Variants in INSYN2B observed in about 807,000 individuals in gnomAD.
The protein encoded by INSYN2B is inhibitory synaptic factor family member 2B.
In INSYN2B, 16 loss-of-function variants were observed where a neutral mutation model predicts 41.2. That is an observed-to-expected ratio of 0.39 (90% CI 0.26 to 0.59). INSYN2B has a LOEUF of 0.59. Among genes scored for constraint, INSYN2B ranks in the 20% least tolerant of loss-of-function variants. INSYN2B has a pLI of 0.57. For synonymous variants in INSYN2B, 245 were observed against 244.4 expected (o/e 1.00, Z -0.02); for missense variants, 608 against 646.4 (o/e 0.94, Z 0.64).
At chr5:169,969,134 G>A (rs1777407275) in intron 1 of INSYN2B, among the ~76,000 whole-genome samples, 1 of 151,812 alleles carries the variant, frequency 6.6e-6, no homozygotes, top group Non-Finnish European at 1.5e-5. Context: ...GGGTATCAAA[G>A]TGAGACTCTG....
At chr5:169,902,178 G>T (rs1435376009) in intron 1 of INSYN2B, among the ~76,000 whole-genome samples, 1 of 152,214 alleles carries the variant, frequency 6.6e-6, no homozygotes, top group African/African-American at 2.4e-5. Context: ...TCCAGGAGGG[G>T]AATAACCAGT....
At position 169,883,526 on chromosome 5, in the gene INSYN2B, G is replaced by C. The variant is rs982679713; in HGVS notation, c.373C>G (p.Pro125Ala). ...TGGATGGCACTTTGGGAGGCTGTTG[G>C]CATTTCCACCAGGGACTTACTGGCT... ...LTASKSLVEM[P>A]TASQSAIQVN... Residue 125 changes from proline (P) to alanine (A), a missense_variant, in exon 2 of 4, where the codon CCA becomes GCA. Physicochemically the swap from Pro to Ala is conservative, Grantham distance 27. Coordinates refer to ENST00000377365, the MANE Select transcript of INSYN2B (RefSeq NM_001129891.3). 1.9e-6 allele frequency: 3 copies of C among 1,551,512 alleles called. No individual in the cohort carries two copies. The highest frequency in any genetic ancestry group is 2.7e-5 in the African/African-American group (2 of 73,036).
At chr5:169,948,534 A>G (rs1298431528) in intron 1 of INSYN2B, among the ~76,000 whole-genome samples, 1 of 151,772 alleles carries the variant, frequency 6.6e-6, no homozygotes, top group Non-Finnish European at 1.5e-5. Context: ...ACACATATAC[A>G]TTTATAGATT....
At chr5:169,889,024 C>T (rs1183286140) in intron 1 of INSYN2B, among the ~76,000 whole-genome samples, 2 of 152,204 alleles carry the variant, frequency 1.3e-5, no homozygotes, top group Non-Finnish European at 2.9e-5. Flanking sequence ...GCCTCTTCAA[C>T]TAGACTCTAA....
intron 1 of INSYN2B, among the ~76,000 whole-genome samples, chr5:169,930,487 A>G: frequency 6.6e-6 from 1 of 152,180 alleles, no homozygotes; most frequent in East Asian, 1.9e-4. Context: ...TGTGAGCTTC[A>G]TTCATGGTAA....
At chr5:169,975,882 A>T (rs1280820004) in intron 1 of INSYN2B, among the ~76,000 whole-genome samples, 1 of 152,210 alleles carries the variant, frequency 6.6e-6, no homozygotes, top group Admixed American at 6.5e-5. Context: ...TGCCTGGCAC[A>T]TAGTAGGTGC....
At chr5:169,950,814 C>T (rs761573366) in intron 1 of INSYN2B, among the ~76,000 whole-genome samples, 1 of 152,198 alleles carries the variant, frequency 6.6e-6, no homozygotes, top group Non-Finnish European at 1.5e-5. Context: ...GCTTCAGCAG[C>T]CTCCTCTCAC....
At chr5:169,874,340 G>A (rs778633927) in intron 3 of INSYN2B, among the ~76,000 whole-genome samples, 19 of 149,750 alleles carry the variant, frequency 1.3e-4, no homozygotes, top group Non-Finnish European at 2.7e-4. Context: ...TTAAACCTGG[G>A]AGGCAGAGGT....
At chr5:169,896,271 G>A (rs1329463964) in intron 1 of INSYN2B, among the ~76,000 whole-genome samples, 2 of 152,192 alleles carry the variant, frequency 1.3e-5, no homozygotes, top group Non-Finnish European at 2.9e-5. Context: ...TATGGGTTCA[G>A]AGTTTATCTG....
chr5:169,964,319 G>A (rs1339474737), intron 1 of INSYN2B, among the ~76,000 whole-genome samples: 1 of 152,124 alleles, frequency 6.6e-6, no homozygotes. Context: ...AAGTTGCTCC[G>A]CTCCCACCCC....
At chr5:169,888,926 A>G (rs1561798038) in intron 1 of INSYN2B, among the ~76,000 whole-genome samples, 1 of 152,158 alleles carries the variant, frequency 6.6e-6, no homozygotes, top group Non-Finnish European at 1.5e-5. Flanking sequence ...TCCTTTGTGC[A>G]AGAAGTCCTA....
At chr5:169,869,236 A>G (rs760667751) in intron 3 of INSYN2B, among the ~76,000 whole-genome samples, 5 of 152,162 alleles carry the variant, frequency 3.3e-5, no homozygotes, top group Non-Finnish European at 7.3e-5. Context: ...AGGGAAGAAC[A>G]CACTCTTTAT....
intron 3 of INSYN2B, chr5:169,875,441 C>G (rs1772269811): frequency 5.2e-6 from 2 of 381,670 alleles, no homozygotes; most frequent in East Asian, 1.5e-4. Context: ...GACAATCGAA[C>G]ATTCCACTGA....
intron 1 of INSYN2B, among the ~76,000 whole-genome samples, chr5:169,929,154 C>T (rs1235560471): frequency 1.3e-5 from 2 of 152,280 alleles, no homozygotes; most frequent in Non-Finnish European, 2.9e-5. Flanking sequence ...GCACATAGCA[C>T]TTAGGCATAG....
chr5:169,945,078 C>T (rs1338754539), intron 1 of INSYN2B, among the ~76,000 whole-genome samples: 1 of 152,200 alleles, frequency 6.6e-6, no homozygotes, highest in Non-Finnish European at 1.5e-5. Flanking sequence ...CACAGGGACC[C>T]TCAATTCTCA....
rs909640458 is a variant in INSYN2B, at chr5:169,874,647, G to A, written c.1421+6721C>T. Among the ~76,000 whole-genome samples the A allele has an allele frequency of 2.6e-5, 4 of 152,098 alleles. No individual in the cohort carries two copies. The East Asian group carries it at 7.7e-4, about 29-fold the overall frequency. ...TTGACCCTCTAGGGCCCACCAGAGG[G>A]CCGTTCTTAGCGTTTGGTCCCTTGG... On this transcript the variant is annotated intron_variant, in intron 3 of 3. Coordinates refer to ENST00000377365, the MANE Select transcript of INSYN2B (RefSeq NM_001129891.3).
chr5:169,909,900 A>G (rs1177730300), intron 1 of INSYN2B, among the ~76,000 whole-genome samples: 1 of 152,104 alleles, frequency 6.6e-6, no homozygotes, highest in Non-Finnish European at 1.5e-5. Context: ...CTTGGGGCTA[A>G]TCCTCTCTTT....
intron 1 of INSYN2B, among the ~76,000 whole-genome samples, chr5:169,898,569 G>A (rs941642656): frequency 5.3e-5 from 8 of 151,512 alleles, no homozygotes; most frequent in African/African-American, 1.5e-4. Flanking sequence ...AACACACACC[G>A]GATTGCAGTA....
chr5:169,913,302 C>T (rs1295980310), intron 1 of INSYN2B, among the ~76,000 whole-genome samples: 6 of 152,194 alleles, frequency 3.9e-5, no homozygotes, highest in African/African-American at 1.4e-4. Flanking sequence ...AGTTGTTTCA[C>T]TTCAATTCCA....
Sources: gnomAD v4.1 joint callset for allele counts (sites outside exome capture counted in the v4.1 genomes callset) on GRCh38, gnomAD v4.1.1 for gene constraint, MANE v1.5 for transcripts, NCBI Gene and HGNC (gene_info 2026-07-23, HGNC 2026-07-21) for gene names.